The following GNAQ variants were observed in gnomAD, a reference collection of about 807,000 sequenced individuals.
The protein encoded by GNAQ is G protein subunit alpha q.
GNAQ carries 8 observed loss-of-function variants against 43.9 expected under a neutral mutation model. That is an observed-to-expected ratio of 0.18 (90% CI 0.11 to 0.33). The LOEUF is 0.33. GNAQ is among the 10% of genes least tolerant of loss of function. GNAQ has a pLI of 1.00. For missense variants in GNAQ, 158 were observed against 450.8 expected (o/e 0.35, Z 5.88); for synonymous variants, 155 against 170.7 (o/e 0.91, Z 0.71).
intron 1 of GNAQ, among the ~76,000 whole-genome samples, chr9:78,028,895 T>C (rs1824014751): frequency 6.6e-6 from 1 of 152,104 alleles, no homozygotes; most frequent in East Asian, 1.9e-4. Context: ...ATAGTGTAAG[T>C]ATTGTAGTAT....
intron 3 of GNAQ, among the ~76,000 whole-genome samples, chr9:77,810,210 CTAT>C (rs1475197007): frequency 1.7e-3 from 7 of 4,214 alleles, no homozygotes; most frequent in East Asian, 7.2e-3. Context: ...TGTCAATCAT[CTAT>C]CTATCTATCT....
At chr9:77,904,183 G>C (rs990040130) in intron 2 of GNAQ, among the ~76,000 whole-genome samples, 1 of 152,096 alleles carries the variant, frequency 6.6e-6, no homozygotes, top group African/African-American at 2.4e-5. Flanking sequence ...TGGATGATAA[G>C]CTTGCTCTCT....
intron 5 of GNAQ, among the ~76,000 whole-genome samples, chr9:77,781,129 C>A (rs1313137319): frequency 1.3e-5 from 2 of 151,804 alleles, no homozygotes; most frequent in African/African-American, 4.8e-5. Context: ...TTTATTTTTG[C>A]TTTTGTTGCC....
intron 1 of GNAQ, among the ~76,000 whole-genome samples, chr9:78,019,778 G>C (rs933668568): frequency 2.0e-5 from 3 of 151,948 alleles, no homozygotes; most frequent in Admixed American, 6.6e-5. Flanking sequence ...CAAAAAATTA[G>C]CCAGGCATGG....
rs893470173 is a variant in GNAQ, at chr9:77,874,626, AT to A, written c.321+47534del. 2.6e-5 allele frequency among the ~76,000 whole-genome samples: 4 copies of A among 151,274 alleles called. No homozygotes were observed. The South Asian group carries it at 6.3e-4, about 24-fold the overall frequency. ...CAACTAGGCTAAGCACCTCAACTAA[AT>A]TTTTTTTCTTTTTCTGAGACACAGT... On this transcript the variant is annotated intron_variant, in intron 2 of 6. Coordinates refer to ENST00000286548, the MANE Select transcript of GNAQ (RefSeq NM_002072.5).
At chr9:78,005,450 G>A (rs763833700) in intron 1 of GNAQ, among the ~76,000 whole-genome samples, 15 of 152,204 alleles carry the variant, frequency 9.9e-5, no homozygotes, top group Non-Finnish European at 2.2e-4. Flanking sequence ...CTGGGGAAGC[G>A]GGAGTTTGCC....
intron 2 of GNAQ, among the ~76,000 whole-genome samples, chr9:77,921,256 C>A (rs1828992291): frequency 1.3e-5 from 2 of 152,188 alleles, no homozygotes. Flanking sequence ...ACATTTCTAA[C>A]AAATTCCAAA....
At chr9:77,825,475 A>G (rs1476882776) in intron 2 of GNAQ, among the ~76,000 whole-genome samples, 1 of 152,182 alleles carries the variant, frequency 6.6e-6, no homozygotes, top group Admixed American at 6.5e-5. Flanking sequence ...AGCAGACGGT[A>G]AAGGCAGCAG....
At chr9:77,768,313 T>C (rs562313987) in intron 5 of GNAQ, among the ~76,000 whole-genome samples, 1 of 152,330 alleles carries the variant, frequency 6.6e-6, no homozygotes, top group East Asian at 1.9e-4. Context: ...GCCTCAATTC[T>C]CTCAACTGTA....
At chr9:77,887,349 A>G (rs1252315200) in intron 2 of GNAQ, among the ~76,000 whole-genome samples, 2 of 152,188 alleles carry the variant, frequency 1.3e-5, no homozygotes, top group Non-Finnish European at 1.5e-5. Context: ...AAATTTACCT[A>G]TTCTTTTAGT....
At chr9:78,031,025 A>C in intron 1 of GNAQ, 75 bp downstream of exon 1, 2 of 1,108,458 alleles carry the variant, frequency 1.8e-6, no homozygotes, top group East Asian at 3.3e-5. Flanking sequence ...GGGGCGCCGA[A>C]GGCAGCTGCC....
chr9:77,796,133 A>G (rs149868127), intron 4 of GNAQ, among the ~76,000 whole-genome samples: 105 of 152,330 alleles, frequency 6.9e-4, no homozygotes, highest in Middle Eastern at 3.4e-3. Flanking sequence ...ATCTAATGCA[A>G]TACAACCATT....
chr9:77,920,152 A>T (rs943693756), intron 2 of GNAQ, among the ~76,000 whole-genome samples: 1 of 152,132 alleles, frequency 6.6e-6, no homozygotes, highest in African/African-American at 2.4e-5. Flanking sequence ...AAAAAAAAGA[A>T]TTGACATGAA....
At chr9:77,940,642 T>C (rs573762768) in intron 1 of GNAQ, among the ~76,000 whole-genome samples, 1 of 152,186 alleles carries the variant, frequency 6.6e-6, no homozygotes, top group African/African-American at 2.4e-5. Context: ...ATCTGCAAAA[T>C]ACTACAAAGA....
At chr9:77,793,047 A>G (rs938468439) in intron 5 of GNAQ, among the ~76,000 whole-genome samples, 2 of 152,100 alleles carry the variant, frequency 1.3e-5, no homozygotes, top group Non-Finnish European at 2.9e-5. Flanking sequence ...ACATTCAAAA[A>G]AATCAGAAGT....
At chr9:77,872,548 A>G (rs1387845385) in intron 2 of GNAQ, among the ~76,000 whole-genome samples, 3 of 152,224 alleles carry the variant, frequency 2.0e-5, no homozygotes, top group African/African-American at 4.8e-5. Flanking sequence ...CAAGAAACCC[A>G]TAATACAAAC....
At chr9:77,793,549 T>G (rs567411432) in intron 5 of GNAQ, among the ~76,000 whole-genome samples, 5 of 152,284 alleles carry the variant, frequency 3.3e-5, no homozygotes, top group African/African-American at 1.2e-4. Context: ...AAGCATAATA[T>G]GCTAGATCCT....
intron 5 of GNAQ, among the ~76,000 whole-genome samples, chr9:77,750,571 A>G (rs1161163691): frequency 6.6e-6 from 1 of 152,208 alleles, no homozygotes; most frequent in Non-Finnish European, 1.5e-5. Context: ...GCCAAATGGC[A>G]CAGCTCAAAC....
intron 1 of GNAQ, 55 bp from the exon 2 acceptor site, chr9:77,922,400 G>GATA (rs1587411496): frequency 7.9e-7 from 1 of 1,262,192 alleles, no homozygotes; most frequent in Non-Finnish European, 1.1e-6. Flanking sequence ...CAGTCTCTCA[G>GATA]ATAACTAAAC....
Sources: gnomAD v4.1 joint callset for allele counts (sites outside exome capture counted in the v4.1 genomes callset) on GRCh38, gnomAD v4.1.1 for gene constraint, MANE v1.5 for transcripts, NCBI Gene and HGNC (gene_info 2026-07-23, HGNC 2026-07-21) for gene names.